CDC14B: variants seen among roughly 807,000 people sequenced by gnomAD.
The protein encoded by CDC14B is dual specificity protein phosphatase CDC14B.
A neutral mutation model predicts 64.2 loss-of-function variants in CDC14B; 22 were observed. The observed-to-expected ratio is 0.34, with a 90% CI of 0.24 to 0.49. CDC14B has a LOEUF of 0.49. Ranked by LOEUF, CDC14B falls within the 20% of genes least tolerant of loss-of-function variation. The pLI is 0.99. For missense variants in CDC14B, 498 were observed against 629.9 expected (o/e 0.79, Z 2.24); for synonymous variants, 191 against 215.8 (o/e 0.89, Z 1.01).
chr9:96,524,012 C>G (rs1051576485), intron 9 of CDC14B, among the ~76,000 whole-genome samples: 2 of 152,236 alleles, frequency 1.3e-5, no homozygotes, highest in Admixed American at 1.3e-4. Flanking sequence ...TCTCAGCTCA[C>G]TGCAACCTTC....
chr9:96,615,075 A>G (rs553550450), intron 1 of CDC14B, among the ~76,000 whole-genome samples: 1 of 152,158 alleles, frequency 6.6e-6, no homozygotes. Context: ...TCCTGACCTC[A>G]GGTTATCCAC....
intron 6 of CDC14B, among the ~76,000 whole-genome samples, chr9:96,540,771 A>C (rs188254375): frequency 1.8e-4 from 27 of 152,108 alleles, no homozygotes; most frequent in Middle Eastern, 6.8e-3. Context: ...TACCATTTAC[A>C]CCTGTTGCCC....
chr9:96,583,939 C>T (rs1221228104), intron 1 of CDC14B, among the ~76,000 whole-genome samples: 5 of 151,726 alleles, frequency 3.3e-5, no homozygotes, highest in Non-Finnish European at 7.4e-5. Flanking sequence ...AGGATGGTCT[C>T]GATCTCCTGA....
intron 1 of CDC14B, chr9:96,567,036 T>G (rs1327283318): frequency 7.8e-7 from 1 of 1,287,744 alleles, no homozygotes; most frequent in Non-Finnish European, 1.0e-6. Flanking sequence ...GACGAGGCCG[T>G]GGGGACGGAC....
chr9:96,564,986 G>T (rs951258214), intron 2 of CDC14B, 134 bp from the exon 3 acceptor site: 185 of 577,310 alleles, frequency 3.2e-4, no homozygotes, highest in Non-Finnish European at 2.4e-4. Context: ...CAACTTAAAG[G>T]TACTGTTTTA....
At chr9:96,559,621 C>A (rs1564336064) in intron 4 of CDC14B, among the ~76,000 whole-genome samples, 1 of 152,192 alleles carries the variant, frequency 6.6e-6, no homozygotes, top group Admixed American at 6.5e-5. Context: ...TTCTTAGAAG[C>A]TTTTCTCCTG....
chr9:96,587,761 C>T (rs904750763), intron 1 of CDC14B, among the ~76,000 whole-genome samples: 1 of 152,112 alleles, frequency 6.6e-6, no homozygotes, highest in African/African-American at 2.4e-5. Flanking sequence ...CTTGTGATGA[C>T]AGGGTGATAT....
intron 1 of CDC14B, among the ~76,000 whole-genome samples, chr9:96,616,250 C>T (rs562099482): frequency 6.6e-5 from 10 of 151,842 alleles, no homozygotes; most frequent in Non-Finnish European, 1.5e-4. Context: ...TGCTTGAACC[C>T]GGGAGGCAGA....
chr9:96,578,086 G>A (rs1844915408), intron 1 of CDC14B, among the ~76,000 whole-genome samples: 1 of 152,208 alleles, frequency 6.6e-6, no homozygotes, highest in Admixed American at 6.5e-5. Flanking sequence ...AGAAAAGGGG[G>A]TGGGAGAAGA....
At position 96,562,611 on chromosome 9, in the gene CDC14B, T is replaced by A. The variant is rs983506372; in HGVS notation, c.420+82A>T. The A allele has an allele frequency of 8.7e-6, 8 of 923,178 alleles. No individual in the cohort carries two copies. The South Asian group carries it at 1.1e-4, about 13-fold the overall frequency. 57.2% of individuals were successfully genotyped at this position (923,178 alleles called of 1,614,324 possible). A position where few individuals can be genotyped will look rare whatever the true frequency, so the allele number is the denominator to read the frequency against. ...CTGAAGAGAAATCAAGACATTATCTTGATTTCAAAATTCCAACTGCAAATG... is the reference window on the plus strand; with the variant it reads ...CTGAAGAGAAATCAAGACATTATCTAGATTTCAAAATTCCAACTGCAAATG... On this transcript the variant is annotated intron_variant, in intron 4 of 13. Coordinates refer to ENST00000375241, the MANE Select transcript of CDC14B (RefSeq NM_033331.4).
intron 9 of CDC14B, among the ~76,000 whole-genome samples, chr9:96,528,851 A>G (rs1352192628): frequency 5.9e-5 from 9 of 152,202 alleles, no homozygotes; most frequent in Admixed American, 3.9e-4. Context: ...GACTTTCCCT[A>G]TAAGTCAAAA....
chr9:96,565,848 T>C (rs1417449169), intron 1 of CDC14B, among the ~76,000 whole-genome samples: 3 of 152,248 alleles, frequency 2.0e-5, no homozygotes, highest in Non-Finnish European at 4.4e-5. Flanking sequence ...TCTAGATGAA[T>C]TTCACTACGT....
intron 5 of CDC14B, among the ~76,000 whole-genome samples, chr9:96,542,769 G>A (rs1442852874): frequency 6.6e-6 from 1 of 152,066 alleles, no homozygotes; most frequent in African/African-American, 2.4e-5. Flanking sequence ...CCAGCACTTA[G>A]GGAGGCCGAG....
In CDC14B at chr9:96,583,780, G is replaced by A. The variant is rs187023612; in HGVS notation, c.161-18297C>T. ...GTCGCCCAGGCTGGAGTGCAGTGGC[G>A]CGATCTAGGCTCCCTGCAAGCTCCG... is the stretch of plus-strand genomic sequence containing the variant. On this transcript the variant is annotated intron_variant, in intron 1 of 13. Transcript: ENST00000375241. 6.0e-3 allele frequency among the ~76,000 whole-genome samples: 915 copies of A among 151,854 alleles called. 9 individuals carry two copies. Among genetic ancestry groups the A allele is most frequent in the African/African-American group, 0.021 (857 of 41,386 alleles).
At chr9:96,580,113 A>T (rs1845055321) in intron 1 of CDC14B, among the ~76,000 whole-genome samples, 1 of 152,208 alleles carries the variant, frequency 6.6e-6, no homozygotes, top group Non-Finnish European at 1.5e-5. Context: ...ATTTGGCCTA[A>T]TTAGTAATTA....
chr9:96,569,725 A>G (rs1049647618), intron 1 of CDC14B, among the ~76,000 whole-genome samples: 2 of 152,004 alleles, frequency 1.3e-5, no homozygotes, highest in Non-Finnish European at 2.9e-5. Context: ...CCCAGGCTCA[A>G]GCGATTCTCC....
chr9:96,583,490 G>A (rs1250438287), intron 1 of CDC14B, among the ~76,000 whole-genome samples: 3 of 150,152 alleles, frequency 2.0e-5, no homozygotes, highest in Non-Finnish European at 3.0e-5. Flanking sequence ...TCCACCTTCC[G>A]GGTTCAAGCG....
chr9:96,584,000 G>A (rs1051741337), intron 1 of CDC14B, among the ~76,000 whole-genome samples: 2 of 152,194 alleles, frequency 1.3e-5, no homozygotes, highest in African/African-American at 4.8e-5. Context: ...TTACAGGCAT[G>A]AGCCACCGCG....
At chr9:96,558,293 A>C (rs1842746351) in intron 4 of CDC14B, among the ~76,000 whole-genome samples, 1 of 152,226 alleles carries the variant, frequency 6.6e-6, no homozygotes, top group African/African-American at 2.4e-5. Flanking sequence ...AATAGAAAGG[A>C]AGATTTAAAA....
Sources: allele counts gnomAD v4.1 joint callset (sites outside exome capture counted in the v4.1 genomes callset), GRCh38; gene constraint gnomAD v4.1.1; transcripts MANE v1.5; gene names NCBI Gene and HGNC (gene_info 2026-07-23, HGNC 2026-07-21).